The following EIF4E3 variants were observed in gnomAD, a reference collection of about 807,000 sequenced individuals.
EIF4E3 encodes the protein eukaryotic translation initiation factor 4E family member 3.
EIF4E3 carries 26 observed loss-of-function variants against 31.7 expected under a neutral mutation model. The ratio of observed to expected loss-of-function variants is 0.82; its 90% CI spans 0.60 to 1.14. The LOEUF (loss-of-function observed/expected upper bound fraction) is 1.14. Ranked by LOEUF, EIF4E3 falls within the 50% of genes most tolerant of loss-of-function variation. EIF4E3 has a pLI of 0.00. For synonymous variants in EIF4E3, 128 were observed against 107.7 expected, an observed-to-expected ratio of 1.19 and a Z score of -1.17; for missense variants, 304 against 270.9, an observed-to-expected ratio of 1.12 and a Z score of -0.86.
chr3:71,661,232 TG>T, the EIF4E3 span, among the ~76,000 whole-genome samples: 1 of 89,130 alleles, frequency 1.1e-5, no homozygotes, highest in Non-Finnish European at 2.3e-5. Flanking sequence ...AGAAGAGGGT[TG>T]GGGGGCGGGG....
chr3:71,719,716 T>C (rs532161803), intron 1 of EIF4E3, among the ~76,000 whole-genome samples: 104 of 151,738 alleles, frequency 6.9e-4, no homozygotes, highest in African/African-American at 2.4e-3. Context: ...GAGTGGTAGG[T>C]GATAAGGTTA....
At chr3:71,738,390 C>T (rs1521351) in intron 1 of EIF4E3, among the ~76,000 whole-genome samples, 104,804 of 151,986 alleles carry the variant, frequency 0.69, 37,157 homozygotes, top group East Asian at 1. Context: ...AAAAACGTGA[C>T]GCAACAAAAT....
chr3:71,716,315 C>G (rs1249790095), intron 1 of EIF4E3, among the ~76,000 whole-genome samples: 1 of 152,158 alleles, frequency 6.6e-6, no homozygotes, highest in African/African-American at 2.4e-5. Flanking sequence ...TCACTGCAAG[C>G]TCCGCCTCCC....
intron 5 of EIF4E3, among the ~76,000 whole-genome samples, chr3:71,690,624 AC>A (rs2049051532): frequency 6.6e-6 from 1 of 152,136 alleles, no homozygotes; most frequent in South Asian, 2.1e-4. Flanking sequence ...GCTTTCAGGG[AC>A]CTTGGAGTGG....
At chr3:71,739,875 A>G (rs1350309614) in intron 1 of EIF4E3, among the ~76,000 whole-genome samples, 2 of 152,188 alleles carry the variant, frequency 1.3e-5, no homozygotes, top group Admixed American at 1.3e-4. Flanking sequence ...TTAAATAAAA[A>G]TAATAACAAT....
the EIF4E3 span, among the ~76,000 whole-genome samples, chr3:71,669,109 A>G: frequency 6.6e-6 from 1 of 152,176 alleles, no homozygotes; most frequent in African/African-American, 2.4e-5. Flanking sequence ...ACATGGATGA[A>G]GCTGGAAACC....
chr3:71,723,551 G>C (rs2049582983), intron 1 of EIF4E3, among the ~76,000 whole-genome samples: 1 of 152,182 alleles, frequency 6.6e-6, no homozygotes, highest in Non-Finnish European at 1.5e-5. Flanking sequence ...TGTGTTATCT[G>C]TAGTATTGAC....
intron 2 of EIF4E3, among the ~76,000 whole-genome samples, chr3:71,706,079 TAGG>T (rs1296254066): frequency 6.6e-6 from 1 of 152,188 alleles, no homozygotes; most frequent in Non-Finnish European, 1.5e-5. Context: ...CCAAGAAAGT[TAGG>T]AAAGTAGAAA....
At chr3:71,660,457 G>A in the EIF4E3 span, among the ~76,000 whole-genome samples, 2 of 152,306 alleles carry the variant, frequency 1.3e-5, no homozygotes, top group African/African-American at 2.4e-5. Flanking sequence ...AAGGCAAGTC[G>A]ATTGTAAAAG....
intron 2 of EIF4E3, among the ~76,000 whole-genome samples, chr3:71,709,900 G>A (rs2049350337): frequency 6.6e-6 from 1 of 152,104 alleles, no homozygotes; most frequent in South Asian, 2.1e-4. Context: ...GTTGATCCAT[G>A]CCTAATTTAG....
chr3:71,663,917 C>A, the EIF4E3 span, among the ~76,000 whole-genome samples: 1 of 152,084 alleles, frequency 6.6e-6, no homozygotes, highest in African/African-American at 2.4e-5. Context: ...GAGGGGTATC[C>A]CCTGAGGTAG....
At chr3:71,659,501 G>C in the EIF4E3 span, among the ~76,000 whole-genome samples, 1 of 152,206 alleles carries the variant, frequency 6.6e-6, no homozygotes, top group Non-Finnish European at 1.5e-5. Flanking sequence ...GACAGGATGT[G>C]ATTCTTATGT....
At chr3:71,752,696 G>C (rs1379893732) in intron 1 of EIF4E3, among the ~76,000 whole-genome samples, 1 of 152,208 alleles carries the variant, frequency 6.6e-6, no homozygotes, top group African/African-American at 2.4e-5. Flanking sequence ...AGAAGAGCAT[G>C]ATTTTTAAAA....
chr3:71,688,272 C>T (rs1204106878), intron 6 of EIF4E3, among the ~76,000 whole-genome samples: 1 of 152,130 alleles, frequency 6.6e-6, no homozygotes, highest in African/African-American at 2.4e-5. Context: ...ACAATCTTAT[C>T]TGATTATTGC....
Position 71,676,370 on chromosome 3 carries a change from C to A in EIF4E3, c.*8312G>T, listed in dbSNP as rs900564090. On this transcript the variant is annotated 3_prime_UTR_variant, in exon 7 of 7. Coordinates refer to ENST00000425534, the MANE Select transcript of EIF4E3 (RefSeq NM_001134651.2). ...GGCTCCTGGGGTGACCGGCAAAGTT[C>A]TATTTCTTGGCCTGCTGTTATAGAG... 2 of 152,248 alleles carry A rather than the reference C, an allele frequency of 1.3e-5. No homozygotes were observed. Among genetic ancestry groups the A allele is most frequent in the Admixed American group, 6.5e-5 (1 of 15,294 alleles). The allele number at this position is 152,248 out of a possible 1,614,324, so 9.4% of individuals were successfully genotyped here. A position where few individuals can be genotyped will look rare whatever the true frequency, so the allele number is the denominator to read the frequency against.
chr3:71,696,326 A>C, intron 4 of EIF4E3, 134 bp downstream of exon 4: 1 of 846,644 alleles, frequency 1.2e-6, no homozygotes, highest in Non-Finnish European at 1.9e-6. Context: ...CAAGGTCAGA[A>C]CAGAATTTCT....
In EIF4E3 at chr3:71,680,961, T is replaced by C. The variant is rs2048915442; in HGVS notation, c.*3721A>G. ...ATTACATTTTTAAAAGGAAGTTCCA[T>C]ATTCAGAGTGCTAAAAAAAATCAAC... is the stretch of plus-strand genomic sequence containing the variant. On this transcript the variant is annotated 3_prime_UTR_variant, in exon 7 of 7. Coordinates refer to ENST00000425534, the MANE Select transcript of EIF4E3 (RefSeq NM_001134651.2). 6.6e-6 allele frequency: 1 copy of C among 152,222 alleles called. No homozygotes were observed. The highest frequency in any genetic ancestry group is 6.5e-5 in the Admixed American group (1 of 15,284). 9.4% of individuals were successfully genotyped at this position (152,222 alleles called of 1,614,324 possible).
Position 71,696,443 on chromosome 3 carries a change from G to A in EIF4E3, c.405+17C>T, listed in dbSNP as rs759464935. The stretch of plus-strand genomic sequence containing the variant: ...CCAAGCCTCGCCGGTTCTAGAAGAG[G>A]ATCAGTAGGAACCTACCGTGCTGTC... On this transcript the variant is annotated intron_variant, in intron 4 of 6. Coordinates refer to ENST00000425534, the MANE Select transcript of EIF4E3 (RefSeq NM_001134651.2). 1.2e-6 allele frequency: 2 copies of A among 1,613,838 alleles called. No homozygotes were observed. The highest frequency in any genetic ancestry group is 1.1e-5 in the South Asian group (1 of 91,026).
rs763512212 is a variant in EIF4E3 at position 71,699,846 on chromosome 3, C to A, written c.250-138G>T. 3 of 671,260 alleles carry A rather than the reference C, an allele frequency of 4.5e-6. No individual in the cohort carries two copies. In the African/African-American group the frequency reaches 5.4e-5, roughly 12 times the overall value. The allele number at this position is 671,260 out of a possible 1,614,324, so 41.6% of individuals were successfully genotyped here. On this transcript the variant is annotated intron_variant, in intron 2 of 6. Transcript: ENST00000425534. ...ATTCAAAATAGATTTTTCTCAGTAT[C>A]CCTTCTAATTCTCTGTTAGAAAATG...
Sources: allele counts gnomAD v4.1 joint callset (sites outside exome capture counted in the v4.1 genomes callset), GRCh38; gene constraint gnomAD v4.1.1; transcripts MANE v1.5; gene names NCBI Gene and HGNC (gene_info 2026-07-23, HGNC 2026-07-21).